Variants in SCN1A observed in about 807,000 individuals in gnomAD.
SCN1A encodes sodium channel protein type 1 subunit alpha.
In SCN1A, 13 loss-of-function variants were observed where a neutral mutation model predicts 193.7. The observed-to-expected ratio is 0.07, with a 90% CI of 0.04 to 0.11. SCN1A has a LOEUF of 0.11. SCN1A is among the 10% of genes least tolerant of loss of function. The pLI is 1.00. For missense variants in SCN1A, 1,432 were observed against 2,451.1 expected, an observed-to-expected ratio of 0.58 and a Z score of 8.78; for synonymous variants, 781 against 843.6, an observed-to-expected ratio of 0.93 and a Z score of 1.29.
chr2:166,022,461 T>G (rs1318885777), intron 19 of SCN1A, among the ~76,000 whole-genome samples: 1 of 152,190 alleles, frequency 6.6e-6, no homozygotes, highest in African/African-American at 2.4e-5. Context: ...AGGGGTTTAA[T>G]CTATAAACTT....
At chr2:166,041,191 A>C in intron 16 of SCN1A, 40 bp downstream of exon 16, 1 of 1,418,938 alleles carries the variant, frequency 7.0e-7, no homozygotes, top group East Asian at 2.3e-5. Context: ...TCAAGCAGAA[A>C]ATTTGAAGAC....
intron 2 of SCN1A, among the ~76,000 whole-genome samples, chr2:166,121,304 C>T (rs1345494440): frequency 6.6e-6 from 1 of 152,120 alleles, no homozygotes; most frequent in Non-Finnish European, 1.5e-5. Context: ...ACTCTGTGAA[C>T]TATAATATCT....
Position 166,046,934 on chromosome 2 carries a change from A to G in SCN1A, c.1213T>C (p.Leu405=). Residue 405 remains leucine (L), a synonymous_variant, in exon 12 of 29, where the codon TTG becomes CTG. Transcript: ENST00000674923. The stretch of plus-strand genomic sequence containing the variant: ...TAGAATGAGCCCAAGAAAATGACCA[A>G]TACAAAAAATATCATGTACGTTTTC... ...AGKTYMIFFV[L]VIFLGSFYLI... is the part of the protein sequence containing the mutation. 1 of 1,613,996 alleles carries G rather than the reference A, an allele frequency of 6.2e-7. No individual in the cohort carries two copies. Among genetic ancestry groups the G allele is most frequent in the East Asian group, 2.2e-5 (1 of 44,884 alleles).
chr2:166,053,048 C>G, intron 7 of SCN1A, 105 bp from the exon 8 acceptor site: 1 of 1,429,454 alleles, frequency 7.0e-7, no homozygotes, highest in Non-Finnish European at 9.9e-7. Flanking sequence ...CCTGGAATTA[C>G]CGAAATAGTT....
intron 19 of SCN1A, among the ~76,000 whole-genome samples, chr2:166,033,993 C>CA (rs528821012): frequency 6.6e-6 from 1 of 151,526 alleles, no homozygotes; most frequent in African/African-American, 2.4e-5. Context: ...AACAATTTTT[C>CA]AAAAAATTAG....
chr2:166,088,962 G>A (rs1394440307), intron 2 of SCN1A, among the ~76,000 whole-genome samples: 1 of 152,158 alleles, frequency 6.6e-6, no homozygotes, highest in Non-Finnish European at 1.5e-5. Context: ...ATGCCACACA[G>A]TTAAATTTGA....
intron 1 of SCN1A, among the ~76,000 whole-genome samples, chr2:166,142,238 C>T (rs1036744410): frequency 6.6e-6 from 1 of 152,136 alleles, no homozygotes; most frequent in Admixed American, 6.5e-5. Context: ...ATGAAAATAT[C>T]GTGTTGAGAA....
intron 4 of SCN1A, among the ~76,000 whole-genome samples, chr2:166,072,837 C>CTTTTTTT (rs796420549): frequency 4.9e-4 from 58 of 119,424 alleles, no homozygotes; most frequent in Admixed American, 6.4e-4. Context: ...TCTCTTCTTT[C>CTTTTTTT]TTTTTTTTTT....
intron 1 of SCN1A, among the ~76,000 whole-genome samples, chr2:166,143,868 A>G (rs930025978): frequency 6.6e-6 from 1 of 152,242 alleles, no homozygotes; most frequent in Non-Finnish European, 1.5e-5. Flanking sequence ...GTTCATCTTG[A>G]GTATTCACTT....
chr2:166,089,125 T>C (rs1972712), intron 2 of SCN1A, among the ~76,000 whole-genome samples: 33,289 of 151,930 alleles, frequency 0.22, 3,800 homozygotes, highest in Middle Eastern at 0.46. Flanking sequence ...CCCATCAACC[T>C]GTCATCTACA....
At chr2:166,103,350 C>G (rs1204129211) in intron 2 of SCN1A, among the ~76,000 whole-genome samples, 2 of 151,922 alleles carry the variant, frequency 1.3e-5, no homozygotes, top group African/African-American at 4.8e-5. Context: ...ACTCGGGAGA[C>G]TGAGGCAGGA....
At chr2:166,034,818 C>G (rs1479262410) in intron 19 of SCN1A, among the ~76,000 whole-genome samples, 2 of 152,100 alleles carry the variant, frequency 1.3e-5, no homozygotes, top group Admixed American at 6.5e-5. Flanking sequence ...AGAATAGACA[C>G]CAGAGTTCTC....
chr2:165,994,435 G>A lies in SCN1A; in HGVS notation c.4582-19C>T, dbSNP rs1246767396. 3.1e-6 allele frequency: 5 copies of A among 1,611,220 alleles called. No individual in the cohort carries two copies. Among genetic ancestry groups the A allele is most frequent in the African/African-American group, 2.7e-5 (2 of 74,782 alleles). ...ATTTGTTCTGTAGAGAAATAGAAAT[G>A]CTTTTAACAACAAAGGAGTTTTCTC... On this transcript the variant is annotated intron_variant, in intron 27 of 28. Coordinates refer to ENST00000674923, the MANE Select transcript of SCN1A (RefSeq NM_001165963.4).
chr2:166,032,741 C>T (rs1324566195), intron 19 of SCN1A, among the ~76,000 whole-genome samples: 7 of 152,060 alleles, frequency 4.6e-5, no homozygotes, highest in African/African-American at 1.7e-4. Flanking sequence ...GGATGAGATA[C>T]AACTGCATTT....
rs1688713081 is a variant in SCN1A, at chr2:165,987,982, G to C, written c.*3263C>G. 6.6e-6 allele frequency: 1 copy of C among 152,072 alleles called. No individual in the cohort carries two copies. Among genetic ancestry groups the C allele is most frequent in the Non-Finnish European group, 1.5e-5 (1 of 68,018 alleles). The allele number at this position is 152,072 out of a possible 1,614,324, so 9.4% of individuals were successfully genotyped here. A position where few individuals can be genotyped will look rare whatever the true frequency, so the allele number is the denominator to read the frequency against. On this transcript the variant is annotated 3_prime_UTR_variant, in exon 29 of 29. Coordinates refer to ENST00000674923, the MANE Select transcript of SCN1A (RefSeq NM_001165963.4). The stretch of plus-strand genomic sequence containing the variant: ...CTTTAGGATTGTGATGTTATGAAGA[G>C]GCAAAGTCAGTCCATTGTACAAGGA...
chr2:166,018,880 G>A (rs111357780), intron 19 of SCN1A, among the ~76,000 whole-genome samples: 96 of 152,230 alleles, frequency 6.3e-4, no homozygotes, highest in African/African-American at 2.2e-3. Flanking sequence ...GGTAACTCTT[G>A]AAGAATGTAG....
Position 166,064,396 on chromosome 2 carries a change from G to A in SCN1A, c.265-5708C>T, listed in dbSNP as rs187726597. On this transcript the variant is annotated intron_variant, in intron 4 of 28. Coordinates refer to ENST00000674923, the MANE Select transcript of SCN1A (RefSeq NM_001165963.4). ...CTGTTAATATGTTTGTTACCTAATG[G>A]TTGTAAAAAATCACAAACCATTGGC... Among the ~76,000 whole-genome samples, 42 of 152,200 alleles carry A rather than the reference G, an allele frequency of 2.8e-4. No individual in the cohort carries two copies. The East Asian group carries it at 7.7e-3, about 28-fold the overall frequency.
At chr2:166,053,277 C>G (rs377412053) in intron 7 of SCN1A, 21 of 599,572 alleles carry the variant, frequency 3.5e-5, no homozygotes, top group African/African-American at 2.2e-4. Context: ...AATCTTTGTT[C>G]ACATAATTTA....
intron 18 of SCN1A, 147 bp downstream of exon 18, chr2:166,037,629 C>T: frequency 6.6e-6 from 5 of 759,116 alleles, no homozygotes; most frequent in Non-Finnish European, 1.1e-5. Flanking sequence ...TTCTTTTTGA[C>T]AAAACAGTCA....
Sources: allele counts gnomAD v4.1 joint callset (sites outside exome capture counted in the v4.1 genomes callset), GRCh38; gene constraint gnomAD v4.1.1; transcripts MANE v1.5; gene names NCBI Gene and HGNC (gene_info 2026-07-23, HGNC 2026-07-21).